Variants in PDE5A observed in about 807,000 individuals in gnomAD.
PDE5A encodes phosphodiesterase 5A.
In PDE5A, 67 loss-of-function variants were observed where a neutral mutation model predicts 110.2. The ratio of observed to expected loss-of-function variants is 0.61; its 90% CI spans 0.50 to 0.75. The LOEUF (loss-of-function observed/expected upper bound fraction) is 0.75, where lower values mean the gene tolerates loss of function less well. Among genes scored for constraint, PDE5A ranks in the 30% least tolerant of loss-of-function variants. The pLI, the probability that PDE5A is intolerant of heterozygous loss-of-function variation, is 0.00. For synonymous variants in PDE5A, 328 were observed against 351.2 expected (o/e 0.93, Z 0.74); for missense variants, 862 against 1,045.1 (o/e 0.82, Z 2.42).
chr4:119,574,972 A>G (rs1057061106), intron 3 of PDE5A, among the ~76,000 whole-genome samples: 6 of 152,212 alleles, frequency 3.9e-5, no homozygotes, highest in African/African-American at 1.4e-4. Context: ...TAGAATAACC[A>G]ATGCAGAGAA....
chr4:119,592,552 C>T (rs1403874670), intron 3 of PDE5A, among the ~76,000 whole-genome samples: 4 of 147,578 alleles, frequency 2.7e-5, no homozygotes, highest in Admixed American at 6.8e-5. Flanking sequence ...CCGAAATGCT[C>T]GGGACTTAGA....
rs917719406 is a variant in PDE5A, at chr4:119,501,213, A to G, written c.2447T>C (p.Met816Thr). 1 of 1,612,590 alleles carries G rather than the reference A, an allele frequency of 6.2e-7. No individual in the cohort carries two copies. Among genetic ancestry groups the G allele is most frequent in the South Asian group, 1.1e-5 (1 of 91,050 alleles). Residue 816 changes from methionine to threonine, a missense_variant, in exon 20 of 21, where the codon ATG becomes ACG. By Grantham distance (81) the Met-to-Thr change is moderately conservative. Transcript: ENST00000354960. Reference sequence around the variant, plus strand: ...GATGGCATCTATGAACCCAACTTGCATACTTGGGATTTTGTTTTTCTTCTC... The same window carrying G: ...GATGGCATCTATGAACCCAACTTGCGTACTTGGGATTTTGTTTTTCTTCTC... Reference protein sequence around the residue: ...NREKKNKIPSMQVGFIDAICL... With the variant: ...NREKKNKIPSTQVGFIDAICL...
intron 7 of PDE5A, among the ~76,000 whole-genome samples, chr4:119,555,530 G>A (rs1193085105): frequency 6.6e-6 from 1 of 151,984 alleles, no homozygotes; most frequent in Non-Finnish European, 1.5e-5. Flanking sequence ...AACAAAAGAA[G>A]AAAAATGAAA....
rs186705534 is a variant in PDE5A, at chr4:119,557,112, A to G, written c.1199+3184T>C. On this transcript the variant is annotated intron_variant, in intron 7 of 20. Coordinates refer to ENST00000354960, the MANE Select transcript of PDE5A (RefSeq NM_001083.4). ...CCTCTACCAGGGTTGATCCCAGAGA[A>G]AAAGACTGAGCACACTAGGGACACT... is the stretch of plus-strand genomic sequence containing the variant. Among the ~76,000 whole-genome samples the G allele has an allele frequency of 1.8e-3, 272 of 152,298 alleles. 1 individual carries two copies. The highest frequency in any genetic ancestry group is 2.3e-3 in the Non-Finnish European group (157 of 68,024).
At chr4:119,609,376 C>A (rs905269087) in intron 1 of PDE5A, among the ~76,000 whole-genome samples, 1 of 152,008 alleles carries the variant, frequency 6.6e-6, no homozygotes, top group African/African-American at 2.4e-5. Flanking sequence ...GAACACTAGG[C>A]AGACATTAAA....
Position 119,496,056 on chromosome 4 carries a change from G to C in PDE5A, c.*2545C>G, listed in dbSNP as rs1725051342. The C allele has an allele frequency of 6.6e-6, 1 of 152,044 alleles. No homozygotes were observed. Among genetic ancestry groups the C allele is most frequent in the African/African-American group, 2.4e-5 (1 of 41,404 alleles). The allele number at this position is 152,044 out of a possible 1,614,324, so 9.4% of individuals were successfully genotyped here. ...AAGTGACTTACACAAATCCACCCAGGATTGTGATTGGCACGGTCTAATCTA... is the reference window on the plus strand; with the variant it reads ...AAGTGACTTACACAAATCCACCCAGCATTGTGATTGGCACGGTCTAATCTA... On this transcript the variant is annotated 3_prime_UTR_variant, in exon 21 of 21. Coordinates refer to ENST00000354960, the MANE Select transcript of PDE5A (RefSeq NM_001083.4).
chr4:119,559,442 T>C (rs1027165533), intron 7 of PDE5A, among the ~76,000 whole-genome samples: 1 of 152,208 alleles, frequency 6.6e-6, no homozygotes, highest in African/African-American at 2.4e-5. Context: ...ATGTTCCTAT[T>C]GTCCCATGGA....
chr4:119,568,288 T>C (rs1264655997), intron 3 of PDE5A, among the ~76,000 whole-genome samples: 1 of 152,196 alleles, frequency 6.6e-6, no homozygotes, highest in East Asian at 1.9e-4. Flanking sequence ...GGCAGATTTC[T>C]AGATGCTCTA....
intron 3 of PDE5A, among the ~76,000 whole-genome samples, chr4:119,574,968 A>T (rs2110515576): frequency 6.6e-6 from 1 of 152,340 alleles, no homozygotes; most frequent in East Asian, 1.9e-4. Flanking sequence ...TAACTAGAAT[A>T]ACCAATGCAG....
At chr4:119,598,492 CAT>C (rs1029394411) in intron 2 of PDE5A, among the ~76,000 whole-genome samples, 1 of 152,192 alleles carries the variant, frequency 6.6e-6, no homozygotes, top group African/African-American at 2.4e-5. Context: ...ACACTACAAT[CAT>C]TGTGATTATT....
chr4:119,512,166 G>GA (rs1224072719), intron 14 of PDE5A, among the ~76,000 whole-genome samples: 6 of 151,938 alleles, frequency 3.9e-5, no homozygotes, highest in African/African-American at 1.2e-4. Flanking sequence ...TAATGTGGGG[G>GA]AAAAAATGGG....
intron 11 of PDE5A, chr4:119,538,739 A>G: frequency 2.1e-6 from 1 of 471,562 alleles, no homozygotes; most frequent in Middle Eastern, 6.1e-4. Context: ...TGTAATGATT[A>G]TAACAATTAC....
intron 18 of PDE5A, among the ~76,000 whole-genome samples, chr4:119,504,144 C>G (rs1725474354): frequency 6.6e-6 from 1 of 151,970 alleles, no homozygotes; most frequent in Non-Finnish European, 1.5e-5. Flanking sequence ...TTATTTCCAT[C>G]TTTATGTCCG....
At chr4:119,532,018 A>C (rs1316026722) in intron 11 of PDE5A, among the ~76,000 whole-genome samples, 1 of 152,152 alleles carries the variant, frequency 6.6e-6, no homozygotes, top group Admixed American at 6.5e-5. Context: ...GCTGTTTTAT[A>C]TATTTAATCA....
Position 119,525,491 on chromosome 4 carries a change from C to T in PDE5A, c.1779+58G>A. The T allele has an allele frequency of 4.7e-6, 7 of 1,505,040 alleles. No individual in the cohort carries two copies. The highest frequency in any genetic ancestry group is 6.3e-6 in the Non-Finnish European group (7 of 1,107,550). 93.2% of individuals were successfully genotyped at this position (1,505,040 alleles called of 1,614,324 possible). A position where few individuals can be genotyped will look rare whatever the true frequency, so the allele number is the denominator to read the frequency against. On this transcript the variant is annotated intron_variant, in intron 12 of 20. Transcript: ENST00000354960. This position sits in a 1 kb window ranked among gnomAD's most constrained non-coding sequence, Gnocchi z 4.3. ...TTTGCATTCAAAACCAATTCTCTCT[C>T]TTACATACACACACACATACACATA... is the stretch of plus-strand genomic sequence containing the variant.
chr4:119,550,209 G>A (rs1335267794), intron 9 of PDE5A: 4 of 152,090 alleles, frequency 2.6e-5, no homozygotes, highest in East Asian at 3.9e-4. Context: ...CACAAAACCC[G>A]ACTAAAGAAA....
intron 3 of PDE5A, among the ~76,000 whole-genome samples, chr4:119,573,702 C>T (rs575672342): frequency 1.2e-4 from 19 of 152,100 alleles, no homozygotes; most frequent in Admixed American, 2.6e-4. Flanking sequence ...CAAGGATAAA[C>T]AGAGGAGAAT....
In PDE5A at chr4:119,628,645, C is replaced by G. The variant is rs778829604; in HGVS notation, c.27G>C (p.Gly9=). The G allele has an allele frequency of 6.2e-7, 1 of 1,613,716 alleles. No individual in the cohort carries two copies. The highest frequency in any genetic ancestry group is 8.5e-7 in the Non-Finnish European group (1 of 1,179,976). The part of the protein sequence containing the change: MERAGPSF[G]QQRQQQQPQQ... ...GGGGCTGCTGCTGCTGTCGCTGCTG[C>G]CCGAAGCTGGGGCCGGCCCGCTCCA... The change falls in exon 1 of 21, where the codon GGG becomes GGC. Residue 9 remains glycine (G), a synonymous_variant. Transcript: ENST00000354960.
Position 119,496,805 on chromosome 4 carries a change from A to AT in PDE5A, c.*1795dup, listed in dbSNP as rs1049927712. 2 of 152,524 alleles carry AT rather than the reference A, an allele frequency of 1.3e-5. No homozygotes were observed. The highest frequency in any genetic ancestry group is 4.8e-5 in the African/African-American group (2 of 41,420). The allele number at this position is 152,524 out of a possible 1,614,324, so 9.4% of individuals were successfully genotyped here. ...GTGCCACAAAGGGGCAACCTTACAA[A>AT]TTTTATCTGTATGGCAAAAAAAATA... is the stretch of plus-strand genomic sequence containing the variant. On this transcript the variant is annotated 3_prime_UTR_variant, in exon 21 of 21. Coordinates refer to ENST00000354960, the MANE Select transcript of PDE5A (RefSeq NM_001083.4).
Sources: allele counts gnomAD v4.1 joint callset (sites outside exome capture counted in the v4.1 genomes callset), GRCh38; gene constraint gnomAD v4.1.1; non-coding constraint Gnocchi (gnomAD v3.1); transcripts MANE v1.5; gene names NCBI Gene and HGNC (gene_info 2026-07-23, HGNC 2026-07-21).